FBXW7: variants seen among roughly 807,000 people sequenced by gnomAD.
The protein encoded by FBXW7 is F-box and WD repeat domain containing 7.
FBXW7 carries 11 observed loss-of-function variants against 86.3 expected under a neutral mutation model. The ratio of observed to expected loss-of-function variants is 0.13; its 90% CI spans 0.08 to 0.21. The LOEUF (loss-of-function observed/expected upper bound fraction) is 0.21. Among genes scored for constraint, FBXW7 ranks in the 10% least tolerant of loss-of-function variants. The probability of loss-of-function intolerance (pLI) is 1.00; values close to 1 mark genes in which losing one functional copy is unlikely to be tolerated. For synonymous variants in FBXW7, 313 were observed against 297.9 expected (o/e 1.05, Z -0.52); for missense variants, 488 against 847.4 (o/e 0.58, Z 5.27).
intron 2 of FBXW7, among the ~76,000 whole-genome samples, chr4:152,509,767 G>A (rs186584479): frequency 6.6e-6 from 1 of 152,270 alleles, no homozygotes; most frequent in East Asian, 1.9e-4. Flanking sequence ...CAATGAGGGA[G>A]AGGAACCAAG....
intron 11 of FBXW7, among the ~76,000 whole-genome samples, chr4:152,327,885 A>G (rs1269801670): frequency 6.6e-6 from 1 of 151,950 alleles, no homozygotes; most frequent in Non-Finnish European, 1.5e-5. Context: ...AAGAATATCA[A>G]AAAAAGAGAG....
chr4:152,392,350 A>G (rs944040016), intron 4 of FBXW7, among the ~76,000 whole-genome samples: 1 of 152,098 alleles, frequency 6.6e-6, no homozygotes, highest in Admixed American at 6.6e-5. Flanking sequence ...TGCTTGCTGG[A>G]ACACTCACTT....
At chr4:152,417,760 G>A (rs1414809730) in intron 2 of FBXW7, among the ~76,000 whole-genome samples, 1 of 152,098 alleles carries the variant, frequency 6.6e-6, no homozygotes, top group Non-Finnish European at 1.5e-5. Flanking sequence ...AACCTAACCT[G>A]CTATGAGGAA....
chr4:152,327,793 G>A (rs35311955), intron 11 of FBXW7, among the ~76,000 whole-genome samples: 1 of 151,902 alleles, frequency 6.6e-6, no homozygotes, highest in Non-Finnish European at 1.5e-5. Flanking sequence ...CCTAGACTTA[G>A]AGATAGGGTG....
intron 2 of FBXW7, among the ~76,000 whole-genome samples, chr4:152,521,627 A>C (rs1264443307): frequency 6.6e-6 from 1 of 152,126 alleles, no homozygotes; most frequent in Non-Finnish European, 1.5e-5. Context: ...ATTAAGGCTG[A>C]ATTCTCTCCC....
intron 4 of FBXW7, among the ~76,000 whole-genome samples, chr4:152,385,589 T>G (rs1000830004): frequency 1.4e-4 from 22 of 152,044 alleles, no homozygotes; most frequent in African/African-American, 5.3e-4. Context: ...TACTATGAAG[T>G]AAAGCTAGGC....
chr4:152,496,840 T>C (rs1228588205), intron 2 of FBXW7, among the ~76,000 whole-genome samples: 1 of 152,194 alleles, frequency 6.6e-6, no homozygotes, highest in African/African-American at 2.4e-5. Context: ...GGGTGAAATA[T>C]GATTAGCTGA....
chr4:152,387,512 C>T (rs1277289259), intron 4 of FBXW7, among the ~76,000 whole-genome samples: 2 of 148,962 alleles, frequency 1.3e-5, no homozygotes, highest in South Asian at 2.1e-4. Context: ...TGGTTGAAGA[C>T]GGAACAATTT....
At chr4:152,344,733 A>G (rs760849189) in intron 6 of FBXW7, among the ~76,000 whole-genome samples, 21 of 152,130 alleles carry the variant, frequency 1.4e-4, no homozygotes, top group East Asian at 3.8e-4. Flanking sequence ...GCCTCTTCCT[A>G]TAGATCAATA....
intron 4 of FBXW7, among the ~76,000 whole-genome samples, chr4:152,365,108 G>A (rs1361939966): frequency 2.0e-5 from 3 of 152,098 alleles, no homozygotes; most frequent in Admixed American, 2.0e-4. Context: ...CTAGTCTGTG[G>A]GTTCACAGAA....
intron 2 of FBXW7, among the ~76,000 whole-genome samples, chr4:152,526,211 G>C (rs1317884498): frequency 6.7e-6 from 1 of 149,740 alleles, no homozygotes; most frequent in African/African-American, 2.4e-5. Context: ...TGCATAGTTT[G>C]CAAGTATTTT....
intron 2 of FBXW7, among the ~76,000 whole-genome samples, chr4:152,506,408 G>C (rs779759477): frequency 1.3e-5 from 2 of 152,230 alleles, no homozygotes; most frequent in Non-Finnish European, 2.9e-5. Flanking sequence ...TGGGATTATA[G>C]GCGTGAGCCA....
chr4:152,330,652 T>C (rs1410591455), intron 9 of FBXW7, 80 bp downstream of exon 9: 6 of 1,287,158 alleles, frequency 4.7e-6, no homozygotes, highest in Non-Finnish European at 4.2e-6. Context: ...TGTCATATTA[T>C]ACAGTTTGCC....
At chr4:152,457,947 A>T (rs1488022732) in intron 2 of FBXW7, among the ~76,000 whole-genome samples, 1 of 151,914 alleles carries the variant, frequency 6.6e-6, no homozygotes, top group East Asian at 1.9e-4. Context: ...TAAAAAAAAA[A>T]AAAGTTACTT....
intron 2 of FBXW7, among the ~76,000 whole-genome samples, chr4:152,491,332 T>G (rs1745832547): frequency 2.0e-5 from 3 of 152,316 alleles, no homozygotes; most frequent in South Asian, 4.1e-4. Flanking sequence ...AATGTATTAT[T>G]ATTCTAGACA....
chr4:152,479,062 T>A (rs1039666306), intron 2 of FBXW7, among the ~76,000 whole-genome samples: 1 of 152,154 alleles, frequency 6.6e-6, no homozygotes, highest in Admixed American at 6.6e-5. Context: ...ATGTAGTAGA[T>A]GTGATTACAC....
At chr4:152,445,866 C>T (rs999228055) in intron 2 of FBXW7, among the ~76,000 whole-genome samples, 18 of 144,076 alleles carry the variant, frequency 1.2e-4, no homozygotes, top group East Asian at 6.4e-4. Context: ...GCCAAGATCG[C>T]GCCACTGTAC....
intron 10 of FBXW7, among the ~76,000 whole-genome samples, 198 bp downstream of exon 10, chr4:152,329,474 C>G (rs1729354236): frequency 6.6e-6 from 1 of 151,892 alleles, no homozygotes; most frequent in Non-Finnish European, 1.5e-5. Flanking sequence ...AATGAAACCT[C>G]TATCATGAGA....
intron 2 of FBXW7, among the ~76,000 whole-genome samples, chr4:152,454,227 T>C (rs1487612343): frequency 1.3e-5 from 2 of 151,314 alleles, no homozygotes; most frequent in African/African-American, 4.9e-5. Context: ...CTTATATCTC[T>C]TTTACTGGAG....
Sources: gnomAD v4.1 joint callset for allele counts (sites outside exome capture counted in the v4.1 genomes callset) on GRCh38, gnomAD v4.1.1 for gene constraint, MANE v1.5 for transcripts, NCBI Gene and HGNC (gene_info 2026-07-23, HGNC 2026-07-21) for gene names.